The following SPAG16 variants were observed in gnomAD, a reference collection of about 807,000 sequenced individuals.
The protein encoded by SPAG16 is sperm-associated antigen 16 protein.
Under a neutral mutation model 80.4 loss-of-function variants are expected in SPAG16, and 86 were observed. That is an observed-to-expected ratio of 1.07 (90% CI 0.90 to 1.28). The LOEUF (loss-of-function observed/expected upper bound fraction) is 1.28. Among genes scored for constraint, SPAG16 ranks in the 50% most tolerant of loss-of-function variants. The probability of loss-of-function intolerance (pLI) is 0.00; values close to 1 mark genes in which losing one functional copy is unlikely to be tolerated. For missense variants in SPAG16, 870 were observed against 765.3 expected (o/e 1.14, Z -1.61); for synonymous variants, 294 against 265.9 (o/e 1.11, Z -1.03).
At chr2:213,821,843 G>C (rs1347342573) in intron 10 of SPAG16, among the ~76,000 whole-genome samples, 1 of 152,106 alleles carries the variant, frequency 6.6e-6, no homozygotes, top group Admixed American at 6.6e-5. Flanking sequence ...TTAACATAAT[G>C]ACATCTGGGT....
chr2:213,692,185 A>G (rs1046358358), intron 10 of SPAG16, among the ~76,000 whole-genome samples: 2 of 152,216 alleles, frequency 1.3e-5, no homozygotes, highest in Non-Finnish European at 2.9e-5. Flanking sequence ...GAAACCAATC[A>G]TAATGAAAAA....
chr2:213,918,451 A>G (rs2078065495), intron 11 of SPAG16, among the ~76,000 whole-genome samples: 1 of 152,102 alleles, frequency 6.6e-6, no homozygotes, highest in Non-Finnish European at 1.5e-5. Context: ...GTCCTCATCC[A>G]AATCTCATCT....
At chr2:213,702,393 C>T (rs2065486436) in intron 10 of SPAG16, among the ~76,000 whole-genome samples, 3 of 152,170 alleles carry the variant, frequency 2.0e-5, no homozygotes, top group South Asian at 2.1e-4. Flanking sequence ...TGTTTGGGTC[C>T]ATGCAGCATT....
At chr2:214,031,793 C>A (rs2048427722) in intron 13 of SPAG16, among the ~76,000 whole-genome samples, 1 of 152,020 alleles carries the variant, frequency 6.6e-6, no homozygotes, top group African/African-American at 2.4e-5. Flanking sequence ...GCAGGCATAT[C>A]TTCACAGTGG....
intron 10 of SPAG16, among the ~76,000 whole-genome samples, chr2:213,745,671 G>C (rs2662666): frequency 0.92 from 140,835 of 152,272 alleles, 66,162 homozygotes; most frequent in East Asian, 1. Flanking sequence ...TGAATTTTGC[G>C]TACATGTTTC....
intron 6 of SPAG16, among the ~76,000 whole-genome samples, chr2:213,347,076 C>G (rs1009995666): frequency 6.6e-6 from 1 of 152,104 alleles, no homozygotes; most frequent in Non-Finnish European, 1.5e-5. Context: ...TGCAATTGGT[C>G]TATTCAGAGA....
intron 10 of SPAG16, among the ~76,000 whole-genome samples, chr2:213,791,289 T>C (rs932725490): frequency 3.3e-5 from 5 of 151,832 alleles, no homozygotes; most frequent in Admixed American, 1.3e-4. Flanking sequence ...AAAACTAAAG[T>C]TTGAAAAAAA....
At chr2:213,332,495 GA>G (rs918374858) in intron 5 of SPAG16, among the ~76,000 whole-genome samples, 3 of 151,902 alleles carry the variant, frequency 2.0e-5, no homozygotes, top group Non-Finnish European at 4.4e-5. Context: ...AAACAATTCC[GA>G]AAAATACAGG....
At chr2:213,308,322 A>G (rs2063036876) in intron 3 of SPAG16, among the ~76,000 whole-genome samples, 1 of 151,946 alleles carries the variant, frequency 6.6e-6, no homozygotes, top group Non-Finnish European at 1.5e-5. Flanking sequence ...AAATGTCTTC[A>G]TTTTTCTAGT....
intron 15 of SPAG16, among the ~76,000 whole-genome samples, chr2:214,194,902 C>T (rs1016643469): frequency 6.6e-6 from 1 of 152,058 alleles, no homozygotes; most frequent in African/African-American, 2.4e-5. Flanking sequence ...TATTACACAG[C>T]ATCCATATGT....
chr2:213,557,142 T>C (rs144009785), intron 10 of SPAG16, among the ~76,000 whole-genome samples: 9 of 152,124 alleles, frequency 5.9e-5, no homozygotes, highest in Non-Finnish European at 8.8e-5. Context: ...GGTGATTGAG[T>C]AATGGACCAT....
rs1035557813 is a variant in SPAG16, at chr2:214,163,527, T to C, written c.1720+14261T>C. ...GTGTGTGTATATATAAGAATGTATG[T>C]GTATGTATATATGTGTGTGTGTGTG... On this transcript the variant is annotated intron_variant, in intron 15 of 15. Transcript: ENST00000331683. Among the ~76,000 whole-genome samples, 3 of 151,440 alleles carry C rather than the reference T, an allele frequency of 2.0e-5. No homozygotes were observed. The Admixed American group carries it at 2.0e-4, about 10-fold the overall frequency.
At chr2:214,279,283 G>A (rs1692715305) in intron 15 of SPAG16, among the ~76,000 whole-genome samples, 1 of 152,072 alleles carries the variant, frequency 6.6e-6, no homozygotes, top group African/African-American at 2.4e-5. Context: ...TTTTAGTAAA[G>A]ACTGGGTTTC....
At chr2:214,034,109 G>A (rs992035457) in intron 13 of SPAG16, among the ~76,000 whole-genome samples, 2 of 152,138 alleles carry the variant, frequency 1.3e-5, no homozygotes, top group South Asian at 2.1e-4. Context: ...ATTTGTGTTT[G>A]TCTAATATTT....
chr2:213,353,578 A>T (rs1199951279), intron 7 of SPAG16, among the ~76,000 whole-genome samples: 1 of 152,148 alleles, frequency 6.6e-6, no homozygotes, highest in Non-Finnish European at 1.5e-5. Context: ...GTATCCCTAG[A>T]GTATCTGGCT....
At chr2:213,787,169 C>A (rs879324498) in intron 10 of SPAG16, among the ~76,000 whole-genome samples, 3 of 152,014 alleles carry the variant, frequency 2.0e-5, no homozygotes, top group Admixed American at 2.0e-4. Flanking sequence ...CCATGACACA[C>A]GTTTACCTAT....
At chr2:214,060,805 A>G (rs997436777) in intron 13 of SPAG16, among the ~76,000 whole-genome samples, 8 of 152,332 alleles carry the variant, frequency 5.3e-5, no homozygotes, top group Admixed American at 2.6e-4. Context: ...AGTACCTGAT[A>G]CATTACATAT....
intron 15 of SPAG16, among the ~76,000 whole-genome samples, chr2:214,398,688 C>T (rs1701537292): frequency 6.6e-6 from 1 of 152,170 alleles, no homozygotes; most frequent in Admixed American, 6.5e-5. Context: ...GCTGAAATTT[C>T]CATAAAGATG....
At chr2:213,401,487 G>A (rs183175047) in intron 9 of SPAG16, among the ~76,000 whole-genome samples, 18 of 152,162 alleles carry the variant, frequency 1.2e-4, no homozygotes, top group Admixed American at 3.3e-4. Flanking sequence ...TTGGATTAAA[G>A]GATATAAACA....
Sources: gnomAD v4.1 joint callset for allele counts (sites outside exome capture counted in the v4.1 genomes callset) on GRCh38, gnomAD v4.1.1 for gene constraint, MANE v1.5 for transcripts, NCBI Gene and HGNC (gene_info 2026-07-23, HGNC 2026-07-21) for gene names.